Variants in STOX2 observed in about 807,000 individuals in gnomAD.
The protein encoded by STOX2 is storkhead-box protein 2.
STOX2 carries 28 observed loss-of-function variants against 60.9 expected under a neutral mutation model. The ratio of observed to expected loss-of-function variants is 0.46; its 90% CI spans 0.34 to 0.63. The LOEUF (loss-of-function observed/expected upper bound fraction) is 0.63. STOX2 is among the 30% of genes least tolerant of loss of function. The pLI is 0.01. For synonymous variants in STOX2, 472 were observed against 463.9 expected (o/e 1.02, Z -0.22); for missense variants, 1,024 against 1,187.7 (o/e 0.86, Z 2.03).
At chr4:183,979,907 G>A (rs768235204) in intron 1 of STOX2, among the ~76,000 whole-genome samples, 23 of 152,116 alleles carry the variant, frequency 1.5e-4, no homozygotes, top group Non-Finnish European at 2.9e-4. Context: ...CGGTCATGCC[G>A]AGTTCACCTT....
At chr4:183,801,034 C>T (rs1738753078) in intron 1 of STOX2, among the ~76,000 whole-genome samples, 1 of 152,178 alleles carries the variant, frequency 6.6e-6, no homozygotes, top group Admixed American at 6.5e-5. Context: ...CTTGAAACAC[C>T]TGTGTTGAAA....
chr4:183,896,858 C>T (rs1244983979), intron 1 of STOX2, among the ~76,000 whole-genome samples: 1 of 152,106 alleles, frequency 6.6e-6, no homozygotes, highest in African/African-American at 2.4e-5. Context: ...TATAAATGTC[C>T]AGAGTTATAT....
chr4:183,861,372 C>T (rs1355923594), intron 1 of STOX2, among the ~76,000 whole-genome samples: 3 of 152,168 alleles, frequency 2.0e-5, no homozygotes, highest in Admixed American at 6.5e-5. Context: ...TGCTGTTTGC[C>T]GCCATGGTGA....
At chr4:183,809,113 G>T (rs1187489417) in intron 1 of STOX2, among the ~76,000 whole-genome samples, 1 of 152,156 alleles carries the variant, frequency 6.6e-6, no homozygotes, top group African/African-American at 2.4e-5. Flanking sequence ...AGGGAGTCTT[G>T]CTCTGTCTCC....
intron 1 of STOX2, among the ~76,000 whole-genome samples, chr4:183,907,665 A>C (rs1414349686): frequency 6.6e-6 from 1 of 152,234 alleles, no homozygotes; most frequent in Non-Finnish European, 1.5e-5. Context: ...TTTCCGCTTA[A>C]AATGCAGTGC....
At chr4:183,853,383 G>A (rs1353262597) in intron 1 of STOX2, 1 of 152,182 alleles carries the variant, frequency 6.6e-6, no homozygotes, top group Non-Finnish European at 1.5e-5. Context: ...TACTTGCCCA[G>A]ACAAGTCGTT....
intron 1 of STOX2, among the ~76,000 whole-genome samples, chr4:183,956,480 A>ATCGT (rs1156443886): frequency 1.7e-4 from 24 of 144,762 alleles, no homozygotes; most frequent in Admixed American, 1.6e-3. Flanking sequence ...CTATCTATCT[A>ATCGT]TCTCTAGTAT....
intron 1 of STOX2, among the ~76,000 whole-genome samples, chr4:183,882,178 A>G (rs963749812): frequency 3.3e-5 from 5 of 152,210 alleles, no homozygotes; most frequent in African/African-American, 1.2e-4. Context: ...TTCTCTTTTT[A>G]CAATGACTCC....
In STOX2 at chr4:183,998,181, T is replaced by C. The variant is rs1336970913; in HGVS notation, c.167-3144T>C. Reference sequence around the variant, plus strand: ...TTCTTAGTTATATAATAGGCACACGTTGGAAGGTATTAACTTCTCAAGTGA... The same window carrying C: ...TTCTTAGTTATATAATAGGCACACGCTGGAAGGTATTAACTTCTCAAGTGA... On this transcript the variant is annotated intron_variant, in intron 1 of 3. Transcript: ENST00000308497. Among the ~76,000 whole-genome samples, 3 of 152,214 alleles carry C rather than the reference T, an allele frequency of 2.0e-5. No individual in the cohort carries two copies. In the East Asian group the frequency reaches 5.8e-4, roughly 29 times the overall value.
At chr4:183,937,743 A>G (rs1160550645) in intron 1 of STOX2, among the ~76,000 whole-genome samples, 1 of 152,204 alleles carries the variant, frequency 6.6e-6, no homozygotes, top group Non-Finnish European at 1.5e-5. Flanking sequence ...GAAACCATTG[A>G]TTTCATCAAT....
At chr4:183,846,502 C>G (rs567670875) in intron 1 of STOX2, among the ~76,000 whole-genome samples, 1 of 152,234 alleles carries the variant, frequency 6.6e-6, no homozygotes, top group East Asian at 1.9e-4. Flanking sequence ...ATTGACCTAT[C>G]TTCAAGTTTG....
At chr4:183,815,695 G>A (rs1739138058) in intron 1 of STOX2, among the ~76,000 whole-genome samples, 1 of 152,134 alleles carries the variant, frequency 6.6e-6, no homozygotes, top group South Asian at 2.1e-4. Context: ...AGGACACAGT[G>A]GACTTTATTG....
chr4:183,890,888 G>A (rs149274932), intron 1 of STOX2, among the ~76,000 whole-genome samples: 2,267 of 152,218 alleles, frequency 0.015, 18 homozygotes, highest in Non-Finnish European at 0.021. Flanking sequence ...CGGGAGGATC[G>A]CTGAAGGCCA....
chr4:183,927,375 A>G (rs1185734442), intron 1 of STOX2, among the ~76,000 whole-genome samples: 1 of 152,222 alleles, frequency 6.6e-6, no homozygotes, highest in Non-Finnish European at 1.5e-5. Flanking sequence ...GAGGACAGCA[A>G]TCTTTGATTT....
intron 1 of STOX2, among the ~76,000 whole-genome samples, chr4:183,920,195 A>G (rs1025805165): frequency 1.3e-5 from 2 of 152,168 alleles, no homozygotes; most frequent in African/African-American, 4.8e-5. Flanking sequence ...GGCTCACTGC[A>G]ACCTCCGCCT....
intron 1 of STOX2, among the ~76,000 whole-genome samples, chr4:183,913,862 T>C (rs1020258327): frequency 6.6e-6 from 1 of 152,168 alleles, no homozygotes; most frequent in African/African-American, 2.4e-5. Context: ...ACCCTCAAGA[T>C]TTTAAAAATA....
intron 1 of STOX2, chr4:183,798,611 T>A (rs1738689001): frequency 1.0e-6 from 1 of 985,190 alleles, no homozygotes; most frequent in South Asian, 4.7e-5. Flanking sequence ...GAGGCAAGGC[T>A]GCAGAGTTCG....
intron 1 of STOX2, among the ~76,000 whole-genome samples, chr4:183,857,708 C>T (rs770938567): frequency 1.8e-4 from 27 of 152,154 alleles, no homozygotes; most frequent in Admixed American, 4.6e-4. Context: ...GTCTCTTTCT[C>T]CTCCAGCTCT....
At chr4:184,012,008 C>T (rs897179064) in intron 3 of STOX2, among the ~76,000 whole-genome samples, 6 of 152,202 alleles carry the variant, frequency 3.9e-5, no homozygotes, top group African/African-American at 1.4e-4. Flanking sequence ...TCCCTCACAG[C>T]GAGGGCAGGG....
Sources: gnomAD v4.1 joint callset for allele counts (sites outside exome capture counted in the v4.1 genomes callset) on GRCh38, gnomAD v4.1.1 for gene constraint, MANE v1.5 for transcripts, NCBI Gene and HGNC (gene_info 2026-07-23, HGNC 2026-07-21) for gene names.